The following BNC2 variants were observed in gnomAD, a reference collection of about 807,000 sequenced individuals.
The protein encoded by BNC2 is basonuclin zinc finger protein 2.
In BNC2, 20 loss-of-function variants were observed where a neutral mutation model predicts 76.3. That is an observed-to-expected ratio of 0.26 (90% CI 0.18 to 0.38). The LOEUF (loss-of-function observed/expected upper bound fraction) is 0.38. BNC2 is among the 10% of genes least tolerant of loss of function. The pLI is 1.00. For missense variants in BNC2, 1,382 were observed against 1,399.8 expected (o/e 0.99, Z 0.20); for synonymous variants, 582 against 514.8 (o/e 1.13, Z -1.77).
At chr9:16,807,357 T>C (rs781520785) in intron 1 of BNC2, among the ~76,000 whole-genome samples, 4 of 152,214 alleles carry the variant, frequency 2.6e-5, no homozygotes, top group Non-Finnish European at 5.9e-5. Flanking sequence ...GAAACTATCA[T>C]TTTATTAACC....
At chr9:16,614,958 TAAAAAAAAAAAAAAA>T (rs60545823) in intron 3 of BNC2, among the ~76,000 whole-genome samples, 5 of 62,524 alleles carry the variant, frequency 8.0e-5, no homozygotes, top group South Asian at 7.3e-4. Flanking sequence ...TCTGTCTCTT[TAAAAAAAAAAAAAAA>T]AAAAAAAAAA....
rs573737994 is a variant in BNC2, at chr9:16,531,869, C to T, written c.669+20661G>A. On this transcript the variant is annotated intron_variant, in intron 5 of 6. Transcript: ENST00000380672. ...ATTCAAAATGCTTGACTAACACCAC[C>T]GATAAGCTGCCAATAGTAATATAGG... 5.4e-4 allele frequency among the ~76,000 whole-genome samples: 82 copies of T among 152,104 alleles called. 3 individuals carry two copies. In the South Asian group the frequency reaches 0.016, roughly 29 times the overall value.
At chr9:16,423,648 G>A (rs1820750467) in intron 6 of BNC2, among the ~76,000 whole-genome samples, 1 of 152,162 alleles carries the variant, frequency 6.6e-6, no homozygotes, top group Admixed American at 6.5e-5. Flanking sequence ...CTGTAGAAGG[G>A]AAGAAAGCAA....
chr9:16,487,604 A>G (rs534864510), intron 5 of BNC2, among the ~76,000 whole-genome samples: 162 of 152,326 alleles, frequency 1.1e-3, no homozygotes, highest in Non-Finnish European at 1.7e-3. Flanking sequence ...CCATTCAAAT[A>G]AGACCAAAGA....
chr9:16,694,125 T>A (rs1193591978), intron 3 of BNC2, among the ~76,000 whole-genome samples: 1 of 152,142 alleles, frequency 6.6e-6, no homozygotes, highest in African/African-American at 2.4e-5. Flanking sequence ...TTGCTCTTAC[T>A]TCATCAGAGG....
intron 5 of BNC2, among the ~76,000 whole-genome samples, chr9:16,500,709 C>A (rs148418739): frequency 1.3e-5 from 2 of 152,228 alleles, no homozygotes; most frequent in East Asian, 3.9e-4. Context: ...TAATGATCAT[C>A]CCTTAATCAT....
At chr9:16,843,544 G>C (rs1818886665) in intron 1 of BNC2, among the ~76,000 whole-genome samples, 2 of 152,226 alleles carry the variant, frequency 1.3e-5, no homozygotes, top group Admixed American at 6.5e-5. Flanking sequence ...ATGTTGGCCA[G>C]GCTGGTCTCC....
At chr9:16,483,064 C>T (rs557942545) in intron 5 of BNC2, among the ~76,000 whole-genome samples, 285 of 152,288 alleles carry the variant, frequency 1.9e-3, no homozygotes, top group Non-Finnish European at 2.9e-3. Flanking sequence ...TTTGTATACA[C>T]AAAGGCACTT....
intron 1 of BNC2, among the ~76,000 whole-genome samples, chr9:16,788,734 C>T (rs1213395368): frequency 6.6e-6 from 1 of 152,040 alleles, no homozygotes; most frequent in Non-Finnish European, 1.5e-5. Context: ...TGGCAAAGAT[C>T]AGAGGATAAG....
intron 1 of BNC2, among the ~76,000 whole-genome samples, chr9:16,783,056 C>G (rs540340381): frequency 5.9e-5 from 9 of 152,180 alleles, no homozygotes; most frequent in African/African-American, 2.2e-4. Context: ...GTTCAAAACT[C>G]TGAAAGCATG....
intron 5 of BNC2, among the ~76,000 whole-genome samples, chr9:16,481,463 G>C (rs376295383): frequency 1.3e-5 from 2 of 152,202 alleles, no homozygotes; most frequent in African/African-American, 2.4e-5. Flanking sequence ...AAGCCAGCGA[G>C]ACCACGAGCC....
chr9:16,485,528 A>T (rs1195056322), intron 5 of BNC2, among the ~76,000 whole-genome samples: 1 of 152,172 alleles, frequency 6.6e-6, no homozygotes, highest in East Asian at 1.9e-4. Flanking sequence ...CAGTCAAGGG[A>T]TCATATAGGC....
At chr9:16,730,126 A>G (rs985392090) in intron 2 of BNC2, among the ~76,000 whole-genome samples, 1 of 151,968 alleles carries the variant, frequency 6.6e-6, no homozygotes, top group East Asian at 1.9e-4. Context: ...TAACAACACA[A>G]AAATCAACTG....
intron 1 of BNC2, among the ~76,000 whole-genome samples, chr9:16,796,571 C>A (rs1485081290): frequency 4.0e-4 from 55 of 137,072 alleles, no homozygotes; most frequent in South Asian, 1.2e-3. Flanking sequence ...GACTCCGTCT[C>A]AAAAAAAAAA....
intron 5 of BNC2, chr9:16,475,947 C>T (rs552133641): frequency 1.2e-4 from 19 of 152,312 alleles, no homozygotes; most frequent in African/African-American, 4.6e-4. Flanking sequence ...CATACACATG[C>T]TCCTAATTTA....
chr9:16,523,680 C>T (rs1049680698), intron 5 of BNC2, among the ~76,000 whole-genome samples: 1 of 152,018 alleles, frequency 6.6e-6, no homozygotes, highest in African/African-American at 2.4e-5. Flanking sequence ...ATAATCCCAA[C>T]ACCAGAGGCC....
chr9:16,694,294 T>C (rs576570666), intron 3 of BNC2, among the ~76,000 whole-genome samples: 2 of 151,958 alleles, frequency 1.3e-5, no homozygotes, highest in African/African-American at 4.8e-5. Context: ...AAAGAGCAAA[T>C]ATTAGTTCCC....
At chr9:16,637,041 G>T (rs1821349707) in intron 3 of BNC2, among the ~76,000 whole-genome samples, 1 of 151,454 alleles carries the variant, frequency 6.6e-6, no homozygotes, top group Non-Finnish European at 1.5e-5. Context: ...AAAGACAACT[G>T]CTCTTAATTT....
chr9:16,831,478 T>C (rs1818576980), intron 1 of BNC2, among the ~76,000 whole-genome samples: 1 of 152,214 alleles, frequency 6.6e-6, no homozygotes, highest in Non-Finnish European at 1.5e-5. Flanking sequence ...AGCTAACTTT[T>C]ATGAGAAAAA....
Sources: gnomAD v4.1 joint callset for allele counts (sites outside exome capture counted in the v4.1 genomes callset) on GRCh38, gnomAD v4.1.1 for gene constraint, MANE v1.5 for transcripts, NCBI Gene and HGNC (gene_info 2026-07-23, HGNC 2026-07-21) for gene names.